RGS3: variants seen among roughly 807,000 people sequenced by gnomAD.
RGS3 encodes regulator of G protein signaling 3.
A neutral mutation model predicts 132.6 loss-of-function variants in RGS3; 80 were observed. The observed-to-expected ratio is 0.60, with a 90% CI of 0.50 to 0.73. The LOEUF (loss-of-function observed/expected upper bound fraction) is 0.73. RGS3 is among the 30% of genes least tolerant of loss of function. The pLI, the probability that RGS3 is intolerant of heterozygous loss-of-function variation, is 0.00. For synonymous variants in RGS3, 598 were observed against 620.6 expected (o/e 0.96, Z 0.54); for missense variants, 1,382 against 1,530.8 (o/e 0.90, Z 1.62).
chr9:113,495,879 C>G (rs760921033), intron 8 of RGS3, 33 bp downstream of exon 6: 1 of 1,577,910 alleles, frequency 6.3e-7, no homozygotes, highest in Non-Finnish European at 8.7e-7. Context: ...TCAGGATCAT[C>G]CCAACTGGGC....
chr9:113,463,893 C>A lies in RGS3; in HGVS notation c.415+1692C>A. ...CCTCACCACCTTTGGTAAGTGCCCG[C>A]TGGGGCTGGCGGCAGGGGCTGCTTC... is the stretch of plus-strand genomic sequence containing the variant. On this transcript the variant is annotated intron_variant, in intron 3 of 24. Transcript: ENST00000350696. The surrounding 1 kb of genome is among the most constrained non-coding windows in gnomAD (Gnocchi z 4.6). 2.5e-6 allele frequency: 4 copies of A among 1,612,628 alleles called. No individual in the cohort carries two copies. Among genetic ancestry groups the A allele is most frequent in the Non-Finnish European group, 3.4e-6 (4 of 1,179,556 alleles).
At chr9:113,555,856 A>T (rs954813830) in intron 19 of RGS3, among the ~76,000 whole-genome samples, 1 of 152,234 alleles carries the variant, frequency 6.6e-6, no homozygotes, top group Admixed American at 6.5e-5. Flanking sequence ...TTAAGGCTCT[A>T]AATGTTTCCG....
upstream of RGS3, among the ~76,000 whole-genome samples, chr9:113,456,467 T>C (rs1428819488): frequency 6.6e-6 from 1 of 152,186 alleles, no homozygotes; most frequent in Admixed American, 6.5e-5. Flanking sequence ...AAGCCAGAAT[T>C]CCTTGCATTC....
chr9:113,519,495 T>C (rs1289457127), intron 16 of RGS3, among the ~76,000 whole-genome samples: 1 of 144,410 alleles, frequency 6.9e-6, no homozygotes, highest in Non-Finnish European at 1.5e-5. Context: ...GGGCATCCTG[T>C]CATATTACTC....
chr9:113,555,600 G>C (rs1833535758), intron 19 of RGS3, among the ~76,000 whole-genome samples: 1 of 151,962 alleles, frequency 6.6e-6, no homozygotes, highest in African/African-American at 2.4e-5. Flanking sequence ...CTGAGTAGTT[G>C]GGATTACAGG....
At chr9:113,594,301 C>G (rs748243052) in intron 21 of RGS3, 129 bp from the exon 20 acceptor site, 1 of 1,595,350 alleles carries the variant, frequency 6.3e-7, no homozygotes, top group East Asian at 2.2e-5. Context: ...GTACCTCACT[C>G]GCAACGGGAA....
At chr9:113,464,473 T>G (rs981521858) in intron 3 of RGS3, among the ~76,000 whole-genome samples, 1 of 152,170 alleles carries the variant, frequency 6.6e-6, no homozygotes, top group Non-Finnish European at 1.5e-5. Context: ...AGCCCCTAAG[T>G]AGCAGACTGA....
At chr9:113,564,596 C>T (rs56390346) in intron 19 of RGS3, among the ~76,000 whole-genome samples, 18,100 of 152,064 alleles carry the variant, frequency 0.12, 1,269 homozygotes, top group African/African-American at 0.19. Context: ...CCACTGCCCC[C>T]GCAGTTCCTC....
intron 19 of RGS3, among the ~76,000 whole-genome samples, chr9:113,576,125 G>A (rs981865167): frequency 3.3e-5 from 5 of 151,850 alleles, no homozygotes; most frequent in Non-Finnish European, 5.9e-5. Flanking sequence ...GCGTGAACCC[G>A]GGAGGCGGAG....
At chr9:113,447,178 A>G (rs1588122525) in intron 1 of RGS3, among the ~76,000 whole-genome samples, 1 of 147,292 alleles carries the variant, frequency 6.8e-6, no homozygotes, top group East Asian at 2.0e-4. Flanking sequence ...AGAAGAATTG[A>G]TTGAACCCGG....
chr9:113,492,686 GT>G (rs1331449626), intron 7 of RGS3, among the ~76,000 whole-genome samples: 1 of 152,140 alleles, frequency 6.6e-6, no homozygotes, highest in Non-Finnish European at 1.5e-5. Context: ...TAGTTCCCAA[GT>G]TTATAAACTG....
At chr9:113,544,010 C>T (rs1564550506) in intron 19 of RGS3, among the ~76,000 whole-genome samples, 1 of 152,222 alleles carries the variant, frequency 6.6e-6, no homozygotes, top group Non-Finnish European at 1.5e-5. Context: ...TCCAGCATCC[C>T]AGTCCATCCT....
At chr9:113,476,149 G>C (rs549645232) in intron 3 of RGS3, among the ~76,000 whole-genome samples, 1 of 152,270 alleles carries the variant, frequency 6.6e-6, no homozygotes, top group African/African-American at 2.4e-5. Context: ...TGCTGTCCCC[G>C]ATGGTTCTCT....
chr9:113,583,951 C>A, exon 20 of RGS3: 1 of 1,614,088 alleles, frequency 6.2e-7, no homozygotes. Flanking sequence ...TGGGGACCCA[C>A]CTGCGGCCCC....
chr9:113,507,199 AT>A lies in RGS3; in HGVS notation c.1086-86del. On this transcript the variant is annotated intron_variant, in intron 12 of 24. Transcript: ENST00000350696. The surrounding 1 kb of genome is among the most constrained non-coding windows in gnomAD (Gnocchi z 5.0). The stretch of plus-strand genomic sequence containing the variant: ...TCTGGTGTCTGCCTCCTCTTCCCCC[AT>A]TATCCTCTCTGCCCTGTGGGCCCTC... The A allele has an allele frequency of 1.8e-6, 2 of 1,082,482 alleles. No homozygotes were observed. The allele number at this position is 1,082,482 out of a possible 1,614,324, so 67.1% of individuals were successfully genotyped here. A position where few individuals can be genotyped will look rare whatever the true frequency, so the allele number is the denominator to read the frequency against.
chr9:113,461,934 C>T, intron 2 of RGS3: 1 of 1,590,182 alleles, frequency 6.3e-7, no homozygotes, highest in Non-Finnish European at 8.6e-7. Flanking sequence ...GAACACCATG[C>T]TTTCTAGTTC....
intron 19 of RGS3, among the ~76,000 whole-genome samples, chr9:113,548,487 G>A (rs1188153200): frequency 1.3e-5 from 2 of 152,198 alleles, no homozygotes; most frequent in Non-Finnish European, 2.9e-5. Flanking sequence ...CTGGAGTGGT[G>A]GAGACACTCC....
At chr9:113,481,635 C>G (rs562789472) in intron 4 of RGS3, among the ~76,000 whole-genome samples, 14 of 152,312 alleles carry the variant, frequency 9.2e-5, no homozygotes, top group Admixed American at 2.6e-4. Flanking sequence ...TTGGCTTCAC[C>G]CCAGTCTCAG....
In RGS3 at chr9:113,579,079, C is replaced by G. The variant is rs1010558602; in HGVS notation, c.2038-4371C>G. On this transcript the variant is annotated intron_variant, in intron 19 of 24. Coordinates refer to ENST00000350696, the Ensembl canonical transcript of RGS3. The surrounding 1 kb of genome is among the most constrained non-coding windows in gnomAD (Gnocchi z 4.3). ...GACAGAGGCAAACCCCAGTTTACACCCCCCCAGTGCAGGAAGTGGTTTTCG... is the reference window on the plus strand; with the variant it reads ...GACAGAGGCAAACCCCAGTTTACACGCCCCCAGTGCAGGAAGTGGTTTTCG... Among the ~76,000 whole-genome samples the G allele has an allele frequency of 1.7e-5, 2 of 118,588 alleles. No homozygotes were observed. Among genetic ancestry groups the G allele is most frequent in the Non-Finnish European group, 3.6e-5 (2 of 55,386 alleles). 77.8% of individuals were successfully genotyped at this position (118,588 alleles called of 152,430 possible).
Sources: allele counts gnomAD v4.1 joint callset (sites outside exome capture counted in the v4.1 genomes callset), GRCh38; gene constraint gnomAD v4.1.1; non-coding constraint Gnocchi (gnomAD v3.1); transcripts MANE v1.5; gene names NCBI Gene and HGNC (gene_info 2026-07-23, HGNC 2026-07-21).